Variants in SNX29 observed in about 807,000 individuals in gnomAD.
The protein encoded by SNX29 is sorting nexin-29.
Under a neutral mutation model 102.1 loss-of-function variants are expected in SNX29, and 78 were observed. That is an observed-to-expected ratio of 0.76 (90% CI 0.64 to 0.92). The LOEUF (loss-of-function observed/expected upper bound fraction) is 0.92. SNX29 is among the 40% of genes least tolerant of loss of function. The pLI is 0.00. For synonymous variants in SNX29, 580 were observed against 414.5 expected, an observed-to-expected ratio of 1.40 and a Z score of -4.85; for missense variants, 1,280 against 1,061.7, an observed-to-expected ratio of 1.21 and a Z score of -2.86.
intron 19 of SNX29, among the ~76,000 whole-genome samples, chr16:12,511,738 C>A (rs973364350): frequency 3.9e-5 from 6 of 152,176 alleles, no homozygotes; most frequent in African/African-American, 1.4e-4. Flanking sequence ...CTCTCTTGAG[C>A]TGCCCAGGGA....
At chr16:12,552,516 A>G (rs535453927) in intron 20 of SNX29, among the ~76,000 whole-genome samples, 1 of 152,192 alleles carries the variant, frequency 6.6e-6, no homozygotes, top group African/African-American at 2.4e-5. Context: ...AGCCTGCCAA[A>G]TGGGCCTTCA....
At chr16:12,019,139 T>C (rs982864529) in intron 3 of SNX29, among the ~76,000 whole-genome samples, 22 of 152,224 alleles carry the variant, frequency 1.4e-4, no homozygotes, top group Non-Finnish European at 7.3e-5. Context: ...CCGAATACTT[T>C]TTTAAATGCT....
intron 11 of SNX29, among the ~76,000 whole-genome samples, chr16:12,097,489 G>C (rs2052816457): frequency 1.3e-5 from 2 of 152,162 alleles, no homozygotes; most frequent in Non-Finnish European, 2.9e-5. Context: ...AGGCTGCAGT[G>C]AGTACACAAG....
intron 20 of SNX29, among the ~76,000 whole-genome samples, chr16:12,535,490 C>T (rs761071641): frequency 3.6e-4 from 54 of 151,918 alleles, no homozygotes; most frequent in Non-Finnish European, 5.9e-4. Flanking sequence ...CCCTTTTTTC[C>T]AGATGAGGAA....
At chr16:12,420,856 G>T (rs570744704) in intron 18 of SNX29, among the ~76,000 whole-genome samples, 73 of 152,318 alleles carry the variant, frequency 4.8e-4, no homozygotes, top group African/African-American at 1.5e-3. Flanking sequence ...CGCCCTGGGG[G>T]AAGTGATGAG....
chr16:12,163,844 C>T (rs11864711), intron 13 of SNX29, among the ~76,000 whole-genome samples: 170 of 152,166 alleles, frequency 1.1e-3, no homozygotes, highest in African/African-American at 3.3e-3. Context: ...GGTACTGTTC[C>T]GTGGTGCAGA....
chr16:12,523,317 G>T (rs375296973), intron 19 of SNX29, among the ~76,000 whole-genome samples: 2 of 152,230 alleles, frequency 1.3e-5, no homozygotes, highest in African/African-American at 2.4e-5. Context: ...TCTGTTACGC[G>T]CCGTCGTCAT....
In SNX29 at chr16:12,471,503, C is replaced by T. The variant is rs563313661; in HGVS notation, c.2038-6216C>T. On this transcript the variant is annotated intron_variant, in intron 18 of 20. Transcript: ENST00000566228. ...GCAGCTGGAATTCGAACCCATTTCTCACTGAGGCCAGAATCCAGTGTCTGG... is the reference window on the plus strand; with the variant it reads ...GCAGCTGGAATTCGAACCCATTTCTTACTGAGGCCAGAATCCAGTGTCTGG... 3.9e-5 allele frequency among the ~76,000 whole-genome samples: 6 copies of T among 152,284 alleles called. No homozygotes were observed. The East Asian group carries it at 1.2e-3, about 29-fold the overall frequency.
chr16:12,499,089 C>T (rs997115593), intron 19 of SNX29, among the ~76,000 whole-genome samples: 12 of 152,114 alleles, frequency 7.9e-5, no homozygotes, highest in Admixed American at 5.2e-4. Context: ...CCCCTTATGC[C>T]CTCCGCTCAT....
chr16:12,239,638 A>C (rs12927181), intron 14 of SNX29, among the ~76,000 whole-genome samples: 1 of 66,646 alleles, frequency 1.5e-5, no homozygotes, highest in East Asian at 4.1e-4. Flanking sequence ...CCCTGTTTCT[A>C]CAAAAAAAAA....
chr16:12,555,960 C>G (rs1242821962), intron 20 of SNX29, among the ~76,000 whole-genome samples: 1 of 151,658 alleles, frequency 6.6e-6, no homozygotes, highest in African/African-American at 2.4e-5. Flanking sequence ...ACTTGTAACA[C>G]CATCTGCGTG....
rs943156256 is a variant in SNX29, at chr16:11,976,758, G to A, written c.-49G>A. 2.4e-6 allele frequency: 3 copies of A among 1,275,850 alleles called. No individual in the cohort carries two copies. The highest frequency in any genetic ancestry group is 1.6e-5 in the African/African-American group (1 of 64,096). 79.0% of individuals were successfully genotyped at this position (1,275,850 alleles called of 1,614,324 possible). A position where few individuals can be genotyped will look rare whatever the true frequency, so the allele number is the denominator to read the frequency against. On this transcript the variant is annotated 5_prime_UTR_variant, in exon 1 of 21. Coordinates refer to ENST00000566228, the MANE Select transcript of SNX29 (RefSeq NM_032167.5). The stretch of plus-strand genomic sequence containing the variant: ...TGTCTGGAGCTCGGCAGCCGCAGAA[G>A]CGGCAGCGGCGGCGGCGCGGCGCAG...
intron 14 of SNX29, among the ~76,000 whole-genome samples, chr16:12,269,816 ACATCAT>A (rs745357217): frequency 7.1e-4 from 104 of 147,082 alleles, no homozygotes; most frequent in Non-Finnish European, 1.3e-3. Flanking sequence ...ATTTTACTTT[ACATCAT>A]CATCATCATC....
intron 5 of SNX29, among the ~76,000 whole-genome samples, chr16:12,045,315 G>A (rs922125794): frequency 1.3e-5 from 2 of 152,146 alleles, no homozygotes; most frequent in Non-Finnish European, 2.9e-5. Context: ...TAGCGAAATT[G>A]ACTTTTTCCT....
intron 13 of SNX29, among the ~76,000 whole-genome samples, chr16:12,188,706 C>T (rs1024135126): frequency 2.6e-5 from 4 of 152,088 alleles, no homozygotes; most frequent in Non-Finnish European, 5.9e-5. Context: ...AGGATGGTTA[C>T]GGGGGAGAGA....
chr16:12,213,378 A>C (rs1396411543), intron 14 of SNX29, among the ~76,000 whole-genome samples: 3 of 152,196 alleles, frequency 2.0e-5, no homozygotes, highest in African/African-American at 7.2e-5. Flanking sequence ...TCTAGAGTAC[A>C]TGTTGTTTGA....
intron 20 of SNX29, among the ~76,000 whole-genome samples, chr16:12,534,278 C>T (rs8057138): frequency 2.2e-4 from 33 of 152,348 alleles, no homozygotes; most frequent in South Asian, 8.3e-4. Flanking sequence ...GCACACCTGC[C>T]GTCTTTCTCC....
chr16:12,386,185 C>T (rs192917078), intron 16 of SNX29, among the ~76,000 whole-genome samples: 55 of 152,336 alleles, frequency 3.6e-4, no homozygotes, highest in Admixed American at 1.2e-3. Context: ...GGATCCAAGA[C>T]CAAGGTCATT....
intron 13 of SNX29, among the ~76,000 whole-genome samples, chr16:12,168,765 C>T (rs180824146): frequency 6.6e-6 from 1 of 152,312 alleles, no homozygotes; most frequent in Non-Finnish European, 1.5e-5. Context: ...TAGATCGTTA[C>T]ATAAATTTCT....
Sources: allele counts gnomAD v4.1 joint callset (sites outside exome capture counted in the v4.1 genomes callset), GRCh38; gene constraint gnomAD v4.1.1; transcripts MANE v1.5; gene names NCBI Gene and HGNC (gene_info 2026-07-23, HGNC 2026-07-21).